ANKRD44: variants seen among roughly 807,000 people sequenced by gnomAD.
ANKRD44 encodes the protein serine/threonine-protein phosphatase 6 regulatory ankyrin repeat subunit B.
Under a neutral mutation model 116.0 loss-of-function variants are expected in ANKRD44, and 35 were observed. The ratio of observed to expected loss-of-function variants is 0.30; its 90% CI spans 0.23 to 0.40. ANKRD44 has a LOEUF of 0.40. Ranked by LOEUF, ANKRD44 falls within the 10% of genes least tolerant of loss-of-function variation. The probability of loss-of-function intolerance (pLI) is 1.00; values close to 1 mark genes in which losing one functional copy is unlikely to be tolerated. For missense variants in ANKRD44, 1,014 were observed against 1,242.6 expected, an observed-to-expected ratio of 0.82 and a Z score of 2.77; for synonymous variants, 435 against 461.8, an observed-to-expected ratio of 0.94 and a Z score of 0.74.
rs560083791 is a variant in ANKRD44, at chr2:197,157,064, A to G, written c.112-9959T>C. ...GGTTTCATATGTCAAAACTTCGCAAACTGTACACTTTAAATATGGGTAGTT... is the reference window on the plus strand; with the variant it reads ...GGTTTCATATGTCAAAACTTCGCAAGCTGTACACTTTAAATATGGGTAGTT... On this transcript the variant is annotated intron_variant, in intron 2 of 27. Transcript: ENST00000282272. 6.6e-5 allele frequency among the ~76,000 whole-genome samples: 10 copies of G among 152,284 alleles called. 1 individual carries two copies. In the East Asian group the frequency reaches 1.9e-3, roughly 29 times the overall value.
intron 1 of ANKRD44, among the ~76,000 whole-genome samples, chr2:197,260,201 A>G (rs922677883): frequency 4.6e-5 from 7 of 150,882 alleles, no homozygotes; most frequent in South Asian, 4.2e-4. Context: ...GTCATTTAGC[A>G]TTAGGTATAT....
At chr2:197,083,060 G>A (rs544216573) in intron 14 of ANKRD44, among the ~76,000 whole-genome samples, 1 of 152,310 alleles carries the variant, frequency 6.6e-6, no homozygotes, top group Admixed American at 6.5e-5. Flanking sequence ...GCATTTAAGT[G>A]GTGACGATGA....
chr2:197,034,129 G>A (rs2076764422), intron 16 of ANKRD44, among the ~76,000 whole-genome samples: 1 of 147,462 alleles, frequency 6.8e-6, no homozygotes, highest in Non-Finnish European at 1.5e-5. Flanking sequence ...TTCAGCTTGT[G>A]GTCTGTATTA....
At chr2:197,052,371 G>A (rs2077124646) in intron 16 of ANKRD44, among the ~76,000 whole-genome samples, 2 of 152,208 alleles carry the variant, frequency 1.3e-5, no homozygotes, top group South Asian at 4.2e-4. Context: ...AGGATGAAGT[G>A]CAATAAATAC....
chr2:197,013,783 G>C, intron 17 of ANKRD44, 71 bp from the exon 18 acceptor site: 1 of 1,538,464 alleles, frequency 6.5e-7, no homozygotes, highest in Non-Finnish European at 8.9e-7. Context: ...CCACAGGAGG[G>C]GCTGGGCTTC....
intron 27 of ANKRD44, among the ~76,000 whole-genome samples, chr2:196,991,316 A>G (rs560500138): frequency 6.6e-6 from 1 of 152,308 alleles, no homozygotes; most frequent in East Asian, 1.9e-4. Flanking sequence ...CACACACACC[A>G]TGAGCCTCAG....
intron 1 of ANKRD44, among the ~76,000 whole-genome samples, chr2:197,293,579 T>C (rs2083631212): frequency 6.6e-6 from 1 of 151,972 alleles, no homozygotes; most frequent in Non-Finnish European, 1.5e-5. Context: ...CTCACAAAAT[T>C]CTAAAAAAAG....
chr2:197,101,267 T>C (rs1385118531), intron 9 of ANKRD44, among the ~76,000 whole-genome samples: 5 of 152,196 alleles, frequency 3.3e-5, no homozygotes, highest in Admixed American at 2.0e-4. Context: ...GTTGATATTA[T>C]TGGAGCCCAA....
rs4305297 is a variant in ANKRD44 at position 197,090,094 on chromosome 2, A to G, written c.1101-62T>C. 4.9e-4 allele frequency: 625 copies of G among 1,278,018 alleles called. 5 individuals carry two copies. In the African/African-American group the frequency reaches 7.0e-3, roughly 14 times the overall value. 79.2% of individuals were successfully genotyped at this position (1,278,018 alleles called of 1,614,324 possible). A position where few individuals can be genotyped will look rare whatever the true frequency, so the allele number is the denominator to read the frequency against. On this transcript the variant is annotated intron_variant, in intron 10 of 27. Transcript: ENST00000282272. ...GATCTCAAGATACATGCGGAAGGAC[A>G]ATTACCTTTCTAGATTCTCTGATGA...
intron 12 of ANKRD44, among the ~76,000 whole-genome samples, chr2:197,088,479 AGAAAG>A (rs1052731592): frequency 8.6e-5 from 13 of 151,668 alleles, no homozygotes; most frequent in Non-Finnish European, 1.8e-4. Flanking sequence ...AAAAGAAAAG[AGAAAG>A]AAGAAAACAA....
intron 16 of ANKRD44, among the ~76,000 whole-genome samples, chr2:197,049,561 C>T (rs1302075901): frequency 6.6e-6 from 1 of 152,120 alleles, no homozygotes. Flanking sequence ...TCAACTTTCA[C>T]ATTTTCACAG....
At chr2:196,975,625 T>TTA (rs1491517951) in intron 21 of ANKRD44, among the ~76,000 whole-genome samples, 3 of 106,262 alleles carry the variant, frequency 2.8e-5, no homozygotes, top group African/African-American at 3.1e-5. Context: ...TTTTTTTTTT[T>TTA]AAAAAAAATA....
At chr2:197,310,281 C>A (rs1259792150) in intron 1 of ANKRD44, among the ~76,000 whole-genome samples, 1 of 149,774 alleles carries the variant, frequency 6.7e-6, no homozygotes, top group Non-Finnish European at 1.5e-5. Flanking sequence ...AGCCCCCGGC[C>A]CCCTCCCCAG....
chr2:197,036,056 C>T (rs1176386957), intron 16 of ANKRD44, among the ~76,000 whole-genome samples: 1 of 152,180 alleles, frequency 6.6e-6, no homozygotes. Flanking sequence ...ATCTCTTTCT[C>T]ATGATTCCAC....
intron 21 of ANKRD44, among the ~76,000 whole-genome samples, chr2:196,971,589 T>C (rs544079569): frequency 5.1e-4 from 77 of 152,352 alleles, no homozygotes; most frequent in Middle Eastern, 3.4e-3. Context: ...TAAGATTTTC[T>C]TGAGTTTTTT....
intron 17 of ANKRD44, among the ~76,000 whole-genome samples, chr2:197,019,793 T>C (rs2076461693): frequency 6.6e-6 from 1 of 151,910 alleles, no homozygotes; most frequent in African/African-American, 2.4e-5. Flanking sequence ...GATTTCTTTT[T>C]TTTTCTTTCT....
intron 16 of ANKRD44, among the ~76,000 whole-genome samples, chr2:197,068,905 C>A (rs560203790): frequency 6.6e-6 from 1 of 152,254 alleles, no homozygotes; most frequent in African/African-American, 2.4e-5. Context: ...CCTCGAGGAT[C>A]TAGAACTAAA....
At chr2:197,134,570 G>A (rs908418023) in intron 4 of ANKRD44, 3 of 152,218 alleles carry the variant, frequency 2.0e-5, no homozygotes, top group African/African-American at 7.2e-5. Context: ...AGTCTTTGAA[G>A]CTAGTTGAGC....
chr2:196,976,015 G>A (rs1040751461), intron 21 of ANKRD44, among the ~76,000 whole-genome samples: 2 of 151,952 alleles, frequency 1.3e-5, no homozygotes, highest in African/African-American at 4.8e-5. Flanking sequence ...ATGTATACCA[G>A]CTGACTGAAC....
Sources: gnomAD v4.1 joint callset for allele counts (sites outside exome capture counted in the v4.1 genomes callset) on GRCh38, gnomAD v4.1.1 for gene constraint, MANE v1.5 for transcripts, NCBI Gene and HGNC (gene_info 2026-07-23, HGNC 2026-07-21) for gene names.